The following PLCB4 variants were observed in gnomAD, a reference collection of about 807,000 sequenced individuals.
PLCB4 encodes the protein 1-phosphatidylinositol 4,5-bisphosphate phosphodiesterase beta-4.
Under a neutral mutation model 178.8 loss-of-function variants are expected in PLCB4, and 77 were observed. The ratio of observed to expected loss-of-function variants is 0.43; its 90% confidence interval spans 0.36 to 0.52. PLCB4 has a LOEUF of 0.52. Among genes scored for constraint, PLCB4 ranks in the 20% least tolerant of loss-of-function variants. The pLI, the probability that PLCB4 is intolerant of heterozygous loss-of-function variation, is 0.00. For synonymous variants in PLCB4, 496 were observed against 490.8 expected (o/e 1.01, Z -0.14); for missense variants, 1,024 against 1,453.4 (o/e 0.70, Z 4.80).
intron 13 of PLCB4, among the ~76,000 whole-genome samples, chr20:9,383,714 A>C (rs1458131700): frequency 6.6e-6 from 1 of 152,256 alleles, no homozygotes; most frequent in Non-Finnish European, 1.5e-5. Context: ...TTTCCAATTC[A>C]GTGAGAACAA....
intron 7 of PLCB4, among the ~76,000 whole-genome samples, chr20:9,360,846 A>G (rs1160733543): frequency 6.6e-6 from 1 of 152,216 alleles, no homozygotes; most frequent in Non-Finnish European, 1.5e-5. Context: ...CTAGTCACAA[A>G]AGAAAATTTA....
chr20:9,253,291 C>T (rs1223166470), intron 3 of PLCB4, among the ~76,000 whole-genome samples: 1 of 152,198 alleles, frequency 6.6e-6, no homozygotes, highest in Non-Finnish European at 1.5e-5. Context: ...GCTGGAGTTG[C>T]ACATTCTTGG....
chr20:9,432,572 T>C (rs2041496644), intron 28 of PLCB4, among the ~76,000 whole-genome samples: 1 of 152,186 alleles, frequency 6.6e-6, no homozygotes, highest in Non-Finnish European at 1.5e-5. Flanking sequence ...AAAAGTTTAA[T>C]GGATACAAGT....
chr20:9,465,620 A>G (rs2043719199), intron 35 of PLCB4, among the ~76,000 whole-genome samples: 1 of 152,234 alleles, frequency 6.6e-6, no homozygotes. Flanking sequence ...AAAAATCACA[A>G]GCGTTCCTAT....
intron 2 of PLCB4, among the ~76,000 whole-genome samples, chr20:9,169,844 AT>A (rs1318750807): frequency 6.6e-6 from 1 of 152,050 alleles, no homozygotes; most frequent in Admixed American, 6.6e-5. Context: ...TGAACACTTT[AT>A]TGCCTTTATT....
chr20:9,463,593 C>CAAAAAAAAA (rs145361980), intron 35 of PLCB4, among the ~76,000 whole-genome samples: 1 of 49,714 alleles, frequency 2.0e-5, no homozygotes, highest in Non-Finnish European at 3.7e-5. Context: ...AAATGGAAAG[C>CAAAAAAAAA]AAAAAAAAAA....
At chr20:9,265,951 G>C (rs753452992) in intron 3 of PLCB4, among the ~76,000 whole-genome samples, 8 of 152,140 alleles carry the variant, frequency 5.3e-5, no homozygotes, top group African/African-American at 1.4e-4. Context: ...AAGAGATTTC[G>C]ATGCATGCTC....
chr20:9,291,679 C>T (rs2094580928), intron 3 of PLCB4, among the ~76,000 whole-genome samples: 2 of 152,082 alleles, frequency 1.3e-5, no homozygotes, highest in African/African-American at 4.8e-5. Flanking sequence ...TTTTGGACTT[C>T]AGGTGGAACA....
intron 3 of PLCB4, among the ~76,000 whole-genome samples, chr20:9,253,538 C>T (rs2094203123): frequency 6.6e-6 from 1 of 152,174 alleles, no homozygotes; most frequent in Non-Finnish European, 1.5e-5. Flanking sequence ...CTGTTCCCGT[C>T]TCTTTTTCCA....
chr20:9,306,689 C>G (rs2094771286), intron 3 of PLCB4, among the ~76,000 whole-genome samples: 2 of 152,058 alleles, frequency 1.3e-5, no homozygotes, highest in African/African-American at 4.8e-5. Flanking sequence ...CATTGCTTAA[C>G]TATTTGGTGA....
At chr20:9,265,162 G>A (rs1200611762) in intron 3 of PLCB4, among the ~76,000 whole-genome samples, 1 of 152,142 alleles carries the variant, frequency 6.6e-6, no homozygotes, top group Non-Finnish European at 1.5e-5. Flanking sequence ...GACCATCAGT[G>A]AGTGATTGAG....
At chr20:9,359,624 G>A (rs1397745282) in intron 7 of PLCB4, among the ~76,000 whole-genome samples, 2 of 152,164 alleles carry the variant, frequency 1.3e-5, no homozygotes, top group Non-Finnish European at 2.9e-5. Flanking sequence ...TGGGGTGGCC[G>A]GACCAGAAGG....
In PLCB4 at chr20:9,365,369, A is replaced by G. The variant is rs1159224561; in HGVS notation, c.450-92A>G. On this transcript the variant is annotated intron_variant, in intron 8 of 39. Coordinates refer to ENST00000378473, the MANE Select transcript of PLCB4 (RefSeq NM_001377142.1). The stretch of plus-strand genomic sequence containing the variant: ...CTGATTTTCAGAACCAATGTTCTTG[A>G]TTTAAATGAACTTTCTTTTAAAGTT... The G allele has an allele frequency of 2.0e-5, 15 of 767,218 alleles. No homozygotes were observed. The East Asian group carries it at 3.9e-4, about 20-fold the overall frequency. 47.5% of individuals were successfully genotyped at this position (767,218 alleles called of 1,614,324 possible).
At chr20:9,281,055 G>C (rs2094491173) in intron 3 of PLCB4, among the ~76,000 whole-genome samples, 1 of 151,802 alleles carries the variant, frequency 6.6e-6, no homozygotes, top group African/African-American at 2.4e-5. Flanking sequence ...ACTTTCTTAG[G>C]AACTTCACTT....
chr20:9,266,402 T>C (rs892756008), intron 3 of PLCB4, among the ~76,000 whole-genome samples: 3 of 152,260 alleles, frequency 2.0e-5, no homozygotes, highest in East Asian at 3.8e-4. Context: ...CTCTTACTTT[T>C]GTAATGTGTA....
chr20:9,325,216 A>G (rs1246200998), intron 4 of PLCB4, among the ~76,000 whole-genome samples: 1 of 152,142 alleles, frequency 6.6e-6, no homozygotes, highest in Non-Finnish European at 1.5e-5. Flanking sequence ...TTATAAGGGG[A>G]CAGCCACATA....
At chr20:9,132,503 T>C (rs1262823949) in intron 2 of PLCB4, among the ~76,000 whole-genome samples, 2 of 152,186 alleles carry the variant, frequency 1.3e-5, no homozygotes, top group Non-Finnish European at 2.9e-5. Flanking sequence ...AGTCCAACTT[T>C]AGGAAGTTTT....
chr20:9,165,743 A>G (rs2092959157), intron 2 of PLCB4, among the ~76,000 whole-genome samples: 1 of 151,142 alleles, frequency 6.6e-6, no homozygotes, highest in Non-Finnish European at 1.5e-5. Context: ...GGAAATGCCA[A>G]ATTTTTTATT....
intron 32 of PLCB4, among the ~76,000 whole-genome samples, chr20:9,449,423 G>T (rs958856066): frequency 6.6e-6 from 1 of 152,134 alleles, no homozygotes; most frequent in African/African-American, 2.4e-5. Context: ...TAAAAGCTGG[G>T]AGCACTCATC....
Sources: gnomAD v4.1 joint callset for allele counts (sites outside exome capture counted in the v4.1 genomes callset) on GRCh38, gnomAD v4.1.1 for gene constraint, MANE v1.5 for transcripts, NCBI Gene and HGNC (gene_info 2026-07-23, HGNC 2026-07-21) for gene names.